Variants in SETD5 observed in about 807,000 individuals in gnomAD.
SETD5 encodes the protein SET domain containing 5.
SETD5 carries 44 observed loss-of-function variants against 153.3 expected under a neutral mutation model. The observed-to-expected ratio is 0.29, with a 90% CI of 0.23 to 0.37. SETD5 has a LOEUF of 0.37. Ranked by LOEUF, SETD5 falls within the 10% of genes least tolerant of loss-of-function variation. The probability of loss-of-function intolerance (pLI) is 1.00; values close to 1 mark genes in which losing one functional copy is unlikely to be tolerated. For synonymous variants in SETD5, 716 were observed against 645.2 expected (o/e 1.11, Z -1.66); for missense variants, 1,544 against 1,768.0 (o/e 0.87, Z 2.27).
At position 9,440,473 on chromosome 3, in the gene SETD5, A is replaced by G. The variant is rs771027173; in HGVS notation, c.585A>G (p.Ala195=). ...TKKIKNSPSE[A]QNLDENTTEG... ...TTCTACAGAATTCTCCCTCTGAAGCACAGAATTTAGATGAGAATACAACTG... is the reference window on the plus strand; with the variant it reads ...TTCTACAGAATTCTCCCTCTGAAGCGCAGAATTTAGATGAGAATACAACTG... The change falls in exon 8 of 23, where the codon GCA becomes GCG. Residue 195 remains alanine, a synonymous_variant. Transcript: ENST00000402198. 1.5e-5 allele frequency: 23 copies of G among 1,566,764 alleles called. No homozygotes were observed. The African/African-American group carries it at 3.1e-4, about 21-fold the overall frequency.
At chr3:9,459,814 C>T (rs562505656) in intron 17 of SETD5, among the ~76,000 whole-genome samples, 2 of 151,778 alleles carry the variant, frequency 1.3e-5, no homozygotes, top group African/African-American at 4.8e-5. Context: ...ATTTAATAAT[C>T]GTCATTTGTT....
chr3:9,418,765 T>C (rs1340876491), intron 1 of SETD5, among the ~76,000 whole-genome samples: 3 of 150,932 alleles, frequency 2.0e-5, no homozygotes, highest in African/African-American at 7.3e-5. Context: ...ATCCTGCCAT[T>C]GCACTCCAGC....
rs552825915 is a variant in SETD5 at position 9,474,851 on chromosome 3, G to A, written c.3632-217G>A. 18 of 619,228 alleles carry A rather than the reference G, an allele frequency of 2.9e-5. No homozygotes were observed. The Admixed American group carries it at 3.9e-4, about 14-fold the overall frequency. The allele number at this position is 619,228 out of a possible 1,614,324, so 38.4% of individuals were successfully genotyped here. On this transcript the variant is annotated intron_variant, in intron 21 of 22. Coordinates refer to ENST00000402198, the MANE Select transcript of SETD5 (RefSeq NM_001080517.3). The stretch of plus-strand genomic sequence containing the variant: ...GTCCTGGAAATCTACCTCGATGAAG[G>A]ATGAAGAGAAAGAAGACGGGAATCA...
chr3:9,475,996 C>T lies in SETD5; in HGVS notation c.4234C>T (p.Gln1412Ter). The T allele has an allele frequency of 6.2e-7, 1 of 1,614,050 alleles. No individual in the cohort carries two copies. Among genetic ancestry groups the T allele is most frequent in the East Asian group, 2.2e-5 (1 of 44,884 alleles). The change falls in exon 23 of 23, where the codon CAG (glutamine) becomes TAG (stop). Residue 1412 changes from glutamine (Q) to a stop codon, truncating the protein, a stop_gained. Transcript: ENST00000402198. LOFTEE classifies it high-confidence loss of function. ...CAGGGTATCTGCGGTTTCCAATTCA[C>T]AGCACTACCCACACCGTGGGAGTGG... ...ASRVSAVSNS[Q>*]HYPHRGSGGV...
intron 20 of SETD5, 107 bp downstream of exon 20, chr3:9,473,644 C>A: frequency 8.7e-7 from 1 of 1,147,804 alleles, no homozygotes; most frequent in Non-Finnish European, 1.2e-6. Context: ...TTGATGGGAA[C>A]ATCTGAGACA....
chr3:9,453,878 TA>T lies in SETD5; in HGVS notation c.2476+14del, dbSNP rs2042916712. 1.3e-6 allele frequency: 2 copies of T among 1,541,734 alleles called. No homozygotes were observed. The highest frequency in any genetic ancestry group is 2.8e-5 in the African/African-American group (2 of 71,624). ...TGCAAAGACAATGCAGGTACGTATCTAAAACCTTTCTGATTATATGACCAAT... is the reference window on the plus strand; with the variant it reads ...TGCAAAGACAATGCAGGTACGTATCTAAACCTTTCTGATTATATGACCAAT... On this transcript the variant is annotated intron_variant, in intron 17 of 22. Transcript: ENST00000402198.
chr3:9,475,793 C>T lies in SETD5; in HGVS notation c.4031C>T (p.Ala1344Val), dbSNP rs1300765658. The T allele has an allele frequency of 6.2e-7, 1 of 1,614,060 alleles. No individual in the cohort carries two copies. Among genetic ancestry groups the T allele is most frequent in the East Asian group, 2.2e-5 (1 of 44,888 alleles). ...CCAAGGAGGAGCTGCCCTTCTAGTGCTGCTAGCCCTACCCTGCAGGGACCC... is the reference window on the plus strand; with the variant it reads ...CCAAGGAGGAGCTGCCCTTCTAGTGTTGCTAGCCCTACCCTGCAGGGACCC... ...NLPRRSCPSS[A>V]ASPTLQGPSD... The change falls in exon 23 of 23, where the codon GCT becomes GTT. Residue 1344 changes from alanine to valine, a missense_variant. Coordinates refer to ENST00000402198, the MANE Select transcript of SETD5 (RefSeq NM_001080517.3).
chr3:9,417,301 G>GCT (rs1482984386), intron 1 of SETD5, among the ~76,000 whole-genome samples: 2 of 152,124 alleles, frequency 1.3e-5, no homozygotes, highest in African/African-American at 4.8e-5. Context: ...AAGGAGAATA[G>GCT]CTCTTCAGTC....
chr3:9,441,222 G>C lies in SETD5; in HGVS notation c.811-371G>C, dbSNP rs532534631. Among the ~76,000 whole-genome samples the C allele has an allele frequency of 3.9e-5, 6 of 152,156 alleles. No homozygotes were observed. The South Asian group carries it at 1.2e-3, about 32-fold the overall frequency. On this transcript the variant is annotated intron_variant, in intron 8 of 22. Coordinates refer to ENST00000402198, the MANE Select transcript of SETD5 (RefSeq NM_001080517.3). ...AGACCCTGGCTCTATTTAAAAAACA[G>C]AGAGAGAGATGACTTAGTATGGGAA...
At chr3:9,428,637 C>G (rs1315042770) in intron 2 of SETD5, among the ~76,000 whole-genome samples, 186 bp from the exon 3 acceptor site, 1 of 152,168 alleles carries the variant, frequency 6.6e-6, no homozygotes, top group Non-Finnish European at 1.5e-5. Context: ...TTGCCCCCTA[C>G]TTTGTGAAAC....
At chr3:9,442,342 A>G (rs2125195514) in intron 10 of SETD5, 97 bp downstream of exon 10, 2 of 845,532 alleles carry the variant, frequency 2.4e-6, no homozygotes, top group South Asian at 3.0e-5. Context: ...AAAGGTCTGT[A>G]GATAATAGTC....
At chr3:9,425,063 T>TTTTTTTTTTTTTTG (rs2038970585) in intron 2 of SETD5, among the ~76,000 whole-genome samples, 2 of 144,630 alleles carry the variant, frequency 1.4e-5, no homozygotes, top group African/African-American at 5.3e-5. Context: ...TTCTTTTTTT[T>TTTTTTTTTTTTTTG]TTTTTTTTTT....
intron 17 of SETD5, among the ~76,000 whole-genome samples, chr3:9,460,075 A>T (rs972132040): frequency 3.9e-5 from 6 of 152,060 alleles, no homozygotes; most frequent in Middle Eastern, 3.4e-3. Flanking sequence ...AAATCAACAT[A>T]AGAGATATAA....
In SETD5 at chr3:9,421,427, C is replaced by T. The variant is rs554806683; in HGVS notation, c.-176-3040C>T. Among the ~76,000 whole-genome samples, 31 of 152,118 alleles carry T rather than the reference C, an allele frequency of 2.0e-4. No individual in the cohort carries two copies. In the South Asian group the frequency reaches 2.7e-3, roughly 13 times the overall value. The stretch of plus-strand genomic sequence containing the variant: ...TGCTAGGATTACAGGTGCAAGCCAC[C>T]GCACCTGGCCTCTAAGAGTGCTTTT... On this transcript the variant is annotated intron_variant, in intron 1 of 22. Coordinates refer to ENST00000402198, the MANE Select transcript of SETD5 (RefSeq NM_001080517.3).
chr3:9,410,202 G>A (rs532834784), intron 1 of SETD5, among the ~76,000 whole-genome samples: 61 of 152,278 alleles, frequency 4.0e-4, no homozygotes, highest in Admixed American at 3.9e-3. Context: ...GATACTATAC[G>A]CAGTTGTAAC....
At chr3:9,425,670 G>A (rs2039077277) in intron 2 of SETD5, among the ~76,000 whole-genome samples, 2 of 149,058 alleles carry the variant, frequency 1.3e-5, no homozygotes, top group South Asian at 4.2e-4. Flanking sequence ...CTGCTTCCCA[G>A]ATTCAAACGA....
intron 3 of SETD5, chr3:9,430,470 T>A: frequency 2.1e-6 from 1 of 469,190 alleles, no homozygotes; most frequent in Non-Finnish European, 2.8e-6. Flanking sequence ...ATGCAAAAGG[T>A]ATTTAGTTAT....
At chr3:9,451,573 G>A (rs990343125) in intron 16 of SETD5, among the ~76,000 whole-genome samples, 2 of 152,048 alleles carry the variant, frequency 1.3e-5, no homozygotes, top group Admixed American at 6.6e-5. Flanking sequence ...TCAACCTCTC[G>A]TGTAGCTGGG....
Position 9,476,318 on chromosome 3 carries a change from T to C in SETD5, c.*227T>C. 2 of 574,392 alleles carry C rather than the reference T, an allele frequency of 3.5e-6. No homozygotes were observed. The highest frequency in any genetic ancestry group is 4.5e-5 in the South Asian group (2 of 44,086). The allele number at this position is 574,392 out of a possible 1,614,324, so 35.6% of individuals were successfully genotyped here. A position where few individuals can be genotyped will look rare whatever the true frequency, so the allele number is the denominator to read the frequency against. On this transcript the variant is annotated 3_prime_UTR_variant, in exon 23 of 23. Coordinates refer to ENST00000402198, the MANE Select transcript of SETD5 (RefSeq NM_001080517.3). Reference sequence around the variant, plus strand: ...AGACTATAAAGAAGTTTCTCCCTGCTGTCAAGGGTACATTGTTGACAAGCA... The same window carrying C: ...AGACTATAAAGAAGTTTCTCCCTGCCGTCAAGGGTACATTGTTGACAAGCA...
Sources: gnomAD v4.1 joint callset for allele counts (sites outside exome capture counted in the v4.1 genomes callset) on GRCh38, gnomAD v4.1.1 for gene constraint, MANE v1.5 for transcripts, NCBI Gene and HGNC (gene_info 2026-07-23, HGNC 2026-07-21) for gene names.